OTOG: variants seen among roughly 807,000 people sequenced by gnomAD.
The protein encoded by OTOG is otogelin.
In OTOG, 296 loss-of-function variants were observed where a neutral mutation model predicts 313.8. The observed-to-expected ratio is 0.94, with a 90% confidence interval of 0.86 to 1.04. The LOEUF is 1.04. OTOG is among the 50% of genes least tolerant of loss of function. OTOG has a pLI of 0.00. For synonymous variants in OTOG, 1,533 were observed against 1,554.9 expected (o/e 0.99, Z 0.33); for missense variants, 3,948 against 3,840.1 (o/e 1.03, Z -0.74).
chr11:17,553,068 G>C, intron 4 of OTOG, 51 bp from the exon 5 acceptor site: 4 of 1,527,066 alleles, frequency 2.6e-6, no homozygotes, highest in South Asian at 1.2e-5. Flanking sequence ...GCCTCCCTGG[G>C]TTCTGCCAAT....
rs959286824 is a variant in OTOG, at chr11:17,610,520, A to C, written c.5220A>C (p.Pro1740=). ...HSQPMGSPAS[P]QPHPLPSAPP... is the part of the protein sequence containing the mutation. ...AGCCCATGGGCTCGCCTGCCTCCCC[A>C]CAGCCACACCCACTCCCCTCTGCAC... is the stretch of plus-strand genomic sequence containing the variant. Residue 1740 remains proline, a synonymous_variant, in exon 36 of 56, where the codon CCA becomes CCC. Transcript: ENST00000399397. 14 of 1,549,734 alleles carry C rather than the reference A, an allele frequency of 9.0e-6. No individual in the cohort carries two copies. The Admixed American group carries it at 2.7e-4, about 30-fold the overall frequency.
rs746631517 is a variant in OTOG, at chr11:17,561,783, A to G, written c.1620A>G (p.Thr540=). 2.6e-6 allele frequency: 4 copies of G among 1,550,318 alleles called. No homozygotes were observed. Among genetic ancestry groups the G allele is most frequent in the Middle Eastern group, 1.7e-4 (1 of 6,012 alleles). ...KSRSSGTFTV[T]LQNAPCGLNQ... ...GCTCTTCGGGCACCTTCACCGTGAC[A>G]TTGCAGAATGCCCCATGTGGCCTGG... The change falls in exon 15 of 56, where the codon ACA becomes ACG. Residue 540 remains threonine, a synonymous_variant. Transcript: ENST00000399397.
At chr11:17,570,516 A>G in intron 17 of OTOG, 126 bp downstream of exon 17, 1 of 872,532 alleles carries the variant, frequency 1.1e-6, no homozygotes. Flanking sequence ...ACCATTAGTT[A>G]TTGATTTCTC....
At chr11:17,549,445 T>C (rs2133992358) in intron 3 of OTOG, among the ~76,000 whole-genome samples, 1 of 152,346 alleles carries the variant, frequency 6.6e-6, no homozygotes, top group African/African-American at 2.4e-5. Context: ...CTGGATCTTT[T>C]ACTTCTTCTT....
chr11:17,590,961 C>T (rs1298114112), intron 24 of OTOG, among the ~76,000 whole-genome samples: 1 of 152,238 alleles, frequency 6.6e-6, no homozygotes, highest in African/African-American at 2.4e-5. Flanking sequence ...TCCCCCATAA[C>T]ACTCATTGCC....
At chr11:17,635,777 G>A (rs953562808) in intron 47 of OTOG, 66 bp downstream of exon 47, 23 of 1,299,156 alleles carry the variant, frequency 1.8e-5, no homozygotes, top group Admixed American at 5.9e-5. Flanking sequence ...TTCCCACCCC[G>A]GACCAATGGG....
At chr11:17,566,750 T>C (rs1852300361) in intron 15 of OTOG, among the ~76,000 whole-genome samples, 1 of 152,258 alleles carries the variant, frequency 6.6e-6, no homozygotes, top group Admixed American at 6.5e-5. Context: ...GTACAGGTTT[T>C]GTTCTCAGTT....
At chr11:17,640,421 C>A (rs1395481784) in intron 49 of OTOG, among the ~76,000 whole-genome samples, 1 of 152,206 alleles carries the variant, frequency 6.6e-6, no homozygotes, top group Non-Finnish European at 1.5e-5. Context: ...ACCCTCCCCA[C>A]CCCAGCACAC....
intron 23 of OTOG, among the ~76,000 whole-genome samples, chr11:17,585,070 T>A (rs1852761134): frequency 6.6e-6 from 1 of 152,236 alleles, no homozygotes; most frequent in Non-Finnish European, 1.5e-5. Context: ...GAAGTATGAT[T>A]TCCTTTTCAA....
intron 33 of OTOG, among the ~76,000 whole-genome samples, chr11:17,606,780 C>T (rs116392166): frequency 0.013 from 1,938 of 152,322 alleles, 41 homozygotes; most frequent in African/African-American, 0.044. Context: ...TGCATGTACA[C>T]GTATGTAAAT....
chr11:17,618,892 A>G (rs1853796463), intron 39 of OTOG, among the ~76,000 whole-genome samples: 1 of 152,108 alleles, frequency 6.6e-6, no homozygotes, highest in South Asian at 2.1e-4. Context: ...GATTGGTTTT[A>G]GCGTGTATAC....
intron 39 of OTOG, among the ~76,000 whole-genome samples, chr11:17,627,929 T>C (rs1330078106): frequency 2.6e-5 from 4 of 152,156 alleles, no homozygotes; most frequent in Admixed American, 2.0e-4. Context: ...GTGATGCCTC[T>C]TTTTTCATCT....
intron 10 of OTOG, 58 bp downstream of exon 10, chr11:17,558,702 C>T: frequency 2.0e-6 from 3 of 1,472,180 alleles, no homozygotes; most frequent in Non-Finnish European, 1.8e-6. Context: ...GAGTGCTCAG[C>T]ACACGGGCCA....
intron 39 of OTOG, among the ~76,000 whole-genome samples, chr11:17,616,445 A>T (rs1186157243): frequency 2.0e-5 from 3 of 152,190 alleles, no homozygotes; most frequent in Non-Finnish European, 2.9e-5. Context: ...TTTGAGTTGC[A>T]TTCAATATAT....
intron 54 of OTOG, 141 bp downstream of exon 54, chr11:17,643,647 C>G (rs1590064314): frequency 1.9e-6 from 1 of 526,926 alleles, no homozygotes; most frequent in Non-Finnish European, 3.0e-6. Flanking sequence ...AGGGATAACA[C>G]CCACACCACA....
At chr11:17,556,894 A>C (rs969182791) in intron 7 of OTOG, among the ~76,000 whole-genome samples, 4 of 152,234 alleles carry the variant, frequency 2.6e-5, no homozygotes, top group Non-Finnish European at 5.9e-5. Flanking sequence ...CACTCACTCT[A>C]AGATTTATTC....
chr11:17,599,331 C>T (rs1206168022), intron 30 of OTOG, among the ~76,000 whole-genome samples: 1 of 152,224 alleles, frequency 6.6e-6, no homozygotes, highest in Non-Finnish European at 1.5e-5. Context: ...CTGATTAAAA[C>T]TCCCACTCCT....
intron 39 of OTOG, among the ~76,000 whole-genome samples, chr11:17,623,348 C>T (rs1853910333): frequency 6.6e-6 from 1 of 152,154 alleles, no homozygotes; most frequent in Non-Finnish European, 1.5e-5. Context: ...CTCTACCTGT[C>T]CATGTGCTCT....
rs1486479305 is a variant in OTOG at position 17,610,548 on chromosome 11, C to T, written c.5248C>T (p.Pro1750Ser). 1 of 1,550,598 alleles carries T rather than the reference C, an allele frequency of 6.4e-7. No individual in the cohort carries two copies. The highest frequency in any genetic ancestry group is 8.7e-7 in the Non-Finnish European group (1 of 1,146,950). Residue 1750 changes from proline (P) to serine (S), a missense_variant, in exon 36 of 56, where the codon CCC (proline) becomes TCC (serine). Coordinates refer to ENST00000399397, the MANE Select transcript of OTOG (RefSeq NM_001292063.2). ...GCCACACCCACTCCCCTCTGCACCA[C>T]CCCGCCCAGCCCAGCATACCACCAT... is the stretch of plus-strand genomic sequence containing the variant. ...PQPHPLPSAPPRPAQHTTMAT... is the reference protein window; with the variant it reads ...PQPHPLPSAPSRPAQHTTMAT...
Sources: allele counts gnomAD v4.1 joint callset (sites outside exome capture counted in the v4.1 genomes callset), GRCh38; gene constraint gnomAD v4.1.1; transcripts MANE v1.5; gene names NCBI Gene and HGNC (gene_info 2026-07-23, HGNC 2026-07-21).